Variants in RRP12 observed in about 807,000 individuals in gnomAD.
The protein encoded by RRP12 is ribosomal RNA processing 12 homolog.
In RRP12, 78 loss-of-function variants were observed where a neutral mutation model predicts 157.3. That is an observed-to-expected ratio of 0.50 (90% confidence interval 0.41 to 0.60). The LOEUF (loss-of-function observed/expected upper bound fraction) is 0.60, where lower values mean the gene tolerates loss of function less well. RRP12 is among the 20% of genes least tolerant of loss of function. The pLI, the probability that RRP12 is intolerant of heterozygous loss-of-function variation, is 0.00. For synonymous variants in RRP12, 726 were observed against 670.9 expected (o/e 1.08, Z -1.27); for missense variants, 1,521 against 1,679.9 (o/e 0.91, Z 1.65).
intron 29 of RRP12, among the ~76,000 whole-genome samples, chr10:97,365,225 T>C (rs1488753382): frequency 6.7e-6 from 1 of 149,108 alleles, no homozygotes; most frequent in Non-Finnish European, 1.5e-5. Context: ...CTCGCAGCAC[T>C]GGGAACCAAA....
intron 2 of RRP12, among the ~76,000 whole-genome samples, chr10:97,398,869 A>G (rs1845058904): frequency 6.6e-6 from 1 of 152,180 alleles, no homozygotes; most frequent in Non-Finnish European, 1.5e-5. Context: ...TAAATTATAC[A>G]CTAGATTTTG....
rs781057741 is a variant in RRP12, at chr10:97,358,541, G to T, written c.3787C>A (p.Arg1263Ser). ...CTGCCTGGCACAGCGTCATACCTGC[G>T]GTTGAGCTTGCTTCTGTTGAGGGGG... is the stretch of plus-strand genomic sequence containing the variant. ...YIPLNRSKLN[R>S]RKKMKLQGQF... Residue 1263 changes from arginine to serine, a missense_variant, in exon 33 of 34, where the codon CGC becomes AGC. Coordinates refer to ENST00000370992, the MANE Select transcript of RRP12 (RefSeq NM_015179.4). 2.5e-6 allele frequency: 4 copies of T among 1,613,062 alleles called. No individual in the cohort carries two copies. Among genetic ancestry groups the T allele is most frequent in the Non-Finnish European group, 2.5e-6 (3 of 1,179,150 alleles).
At chr10:97,399,489 A>G (rs958503270) in intron 2 of RRP12, among the ~76,000 whole-genome samples, 2 of 152,014 alleles carry the variant, frequency 1.3e-5, no homozygotes, top group African/African-American at 2.4e-5. Flanking sequence ...TATCATTTTG[A>G]TATCATTTAG....
At chr10:97,379,498 T>G (rs1020642725) in intron 14 of RRP12, 84 bp from the exon 15 acceptor site, 2 of 1,593,544 alleles carry the variant, frequency 1.3e-6, no homozygotes, top group Admixed American at 3.4e-5. Flanking sequence ...CAGGACAGAG[T>G]AAGACCTCCT....
intron 9 of RRP12, 90 bp downstream of exon 9, chr10:97,385,805 T>C (rs1589433247): frequency 8.5e-6 from 8 of 936,022 alleles, no homozygotes; most frequent in Non-Finnish European, 1.0e-5. Flanking sequence ...CCTCACTCTG[T>C]AGACAAGGCG....
At chr10:97,384,057 C>T (rs986701271) in intron 10 of RRP12, among the ~76,000 whole-genome samples, 9 of 147,326 alleles carry the variant, frequency 6.1e-5, no homozygotes, top group Admixed American at 4.8e-4. Context: ...CTCCAGTCTC[C>T]GGCTCACGTC....
rs116604123 is a variant in RRP12 at position 97,388,415 on chromosome 10, G to A, written c.890-36C>T. 2,955 of 1,613,016 alleles carry A rather than the reference G, an allele frequency of 1.8e-3. 38 individuals carry two copies. The African/African-American group carries it at 0.031, about 17-fold the overall frequency. On this transcript the variant is annotated intron_variant, in intron 7 of 33. Coordinates refer to ENST00000370992, the MANE Select transcript of RRP12 (RefSeq NM_015179.4). Reference sequence around the variant, plus strand: ...GAAGAGGAATTGAGACACCAGCCCCGCCCTACCGCAGGCCCTGTCCTGCTC... The same window carrying A: ...GAAGAGGAATTGAGACACCAGCCCCACCCTACCGCAGGCCCTGTCCTGCTC...
At position 97,370,479 on chromosome 10, in the gene RRP12, G is replaced by C; in HGVS notation, c.2665C>G (p.Leu889Val). Residue 889 changes from leucine (L) to valine (V), a missense_variant, in exon 23 of 34, where the codon CTA becomes GTA. Leu to Val is a conservative substitution (Grantham distance 32). Transcript: ENST00000370992. Reference sequence around the variant, plus strand: ...CCTTCCTGGTTCGAGCCAAACCTTAGGAAAGCATGGCCCATCTCCACGAGC... The same window carrying C: ...CCTTCCTGGTTCGAGCCAAACCTTACGAAAGCATGGCCCATCTCCACGAGC... Reference protein sequence around the residue: ...ALLVEMGHAFLRFGSNQEEAL... With the variant: ...ALLVEMGHAFVRFGSNQEEAL... 1 of 1,608,304 alleles carries C rather than the reference G, an allele frequency of 6.2e-7. No homozygotes were observed. Among genetic ancestry groups the C allele is most frequent in the Non-Finnish European group, 8.5e-7 (1 of 1,177,540 alleles).
chr10:97,392,111 C>T (rs1371405438), intron 4 of RRP12, among the ~76,000 whole-genome samples: 3 of 151,378 alleles, frequency 2.0e-5, no homozygotes, highest in Non-Finnish European at 4.4e-5. Flanking sequence ...GTTGGGACTA[C>T]AGGTGCATGC....
At chr10:97,379,249 CTG>C (rs779360837) in intron 15 of RRP12, 42 bp downstream of exon 15, 1 of 1,608,852 alleles carries the variant, frequency 6.2e-7, no homozygotes, top group Non-Finnish European at 8.5e-7. Context: ...GGTTCCAGGA[CTG>C]TGGGGAGCCT....
chr10:97,393,012 C>T lies in RRP12; in HGVS notation c.530+672G>A, dbSNP rs1431779337. On this transcript the variant is annotated intron_variant, in intron 4 of 33. Coordinates refer to ENST00000370992, the MANE Select transcript of RRP12 (RefSeq NM_015179.4). Reference sequence around the variant, plus strand: ...CCTCCCAAAGTGCTGGGATTACAGGCGTGAGCCACAGCATGTAGCCTACCC... The same window carrying T: ...CCTCCCAAAGTGCTGGGATTACAGGTGTGAGCCACAGCATGTAGCCTACCC... Among the ~76,000 whole-genome samples, 11 of 151,710 alleles carry T rather than the reference C, an allele frequency of 7.3e-5. No individual in the cohort carries two copies. In the East Asian group the frequency reaches 1.2e-3, roughly 16 times the overall value.
At chr10:97,371,950 A>G (rs1844167274) in intron 20 of RRP12, 123 bp downstream of exon 20, 2 of 644,778 alleles carry the variant, frequency 3.1e-6, no homozygotes, top group South Asian at 1.9e-5. Context: ...TGCAGGAGAA[A>G]GCAGACAGGG....
In RRP12 at chr10:97,366,788, C is replaced by T; in HGVS notation, c.3169G>A (p.Glu1057Lys). Residue 1057 changes from glutamate to lysine, a missense_variant, in exon 27 of 34, where the codon GAA (glutamate) becomes AAA (lysine). Coordinates refer to ENST00000370992, the MANE Select transcript of RRP12 (RefSeq NM_015179.4). ...ALSQAAVEEE[E>K]EEEEEEEPAQ... ...GGCTCCTCCTCCTCCTCCTCCTCTT[C>T]TTCCTCCTCCACGGCAGCCTGGCTC... The T allele has an allele frequency of 6.2e-7, 1 of 1,614,208 alleles. No homozygotes were observed.
In RRP12 at chr10:97,379,581, A is replaced by G. The variant is rs370405053; in HGVS notation, c.1676+47T>C. The G allele has an allele frequency of 4.2e-5, 67 of 1,605,760 alleles. No homozygotes were observed. The African/African-American group carries it at 8.2e-4, about 20-fold the overall frequency. Reference sequence around the variant, plus strand: ...GCAGCAGACATCCTTTCCAGGGGAGAGAACAAGCCTGGGGCTTGTCAGGAA... The same window carrying G: ...GCAGCAGACATCCTTTCCAGGGGAGGGAACAAGCCTGGGGCTTGTCAGGAA... On this transcript the variant is annotated intron_variant, in intron 14 of 33. Transcript: ENST00000370992.
intron 9 of RRP12, 94 bp from the exon 10 acceptor site, chr10:97,385,351 G>C (rs1415987667): frequency 9.2e-6 from 9 of 979,018 alleles, no homozygotes; most frequent in African/African-American, 3.2e-5. Context: ...GCAATGTCCT[G>C]GGGACAGTGC....
At chr10:97,361,479 C>T (rs1843840326) in intron 30 of RRP12, among the ~76,000 whole-genome samples, 1 of 152,184 alleles carries the variant, frequency 6.6e-6, no homozygotes, top group South Asian at 2.1e-4. Flanking sequence ...CTGCAGATTC[C>T]CAGGGCTCCA....
Position 97,358,591 on chromosome 10 carries a change from C to A in RRP12, c.3737G>T (p.Gly1246Val), listed in dbSNP as rs538179008. 1.2e-6 allele frequency: 2 copies of A among 1,613,898 alleles called. No homozygotes were observed. Among genetic ancestry groups the A allele is most frequent in the African/African-American group, 2.7e-5 (2 of 74,876 alleles). ...GATGTAGGCATAGGGATCCGGCCGGCCTTTCTTCTTCACATCACCTTTTGC... is the reference window on the plus strand; with the variant it reads ...GATGTAGGCATAGGGATCCGGCCGGACTTTCTTCTTCACATCACCTTTTGC... ...KKAKGDVKKK[G>V]RPDPYAYIPL... The change falls in exon 33 of 34, where the codon GGC becomes GTC. Residue 1246 changes from glycine to valine, a missense_variant. Transcript: ENST00000370992.
At position 97,369,424 on chromosome 10, in the gene RRP12, C is replaced by T; in HGVS notation, c.2955+1G>A. On this transcript the variant is annotated splice_donor_variant, in intron 25 of 33. Transcript: ENST00000370992. LOFTEE classifies it high-confidence loss of function. ...CTGCTAAGGGGAACGGGGACACTCA[C>T]CACCAGCTGCACATGTTTGGCCAGG... The T allele has an allele frequency of 6.2e-7, 1 of 1,611,330 alleles. No homozygotes were observed. The highest frequency in any genetic ancestry group is 8.5e-7 in the Non-Finnish European group (1 of 1,179,040).
chr10:97,383,902 C>T (rs1034144511), intron 10 of RRP12, among the ~76,000 whole-genome samples: 4 of 152,298 alleles, frequency 2.6e-5, no homozygotes, highest in South Asian at 4.1e-4. Flanking sequence ...CTGTTCCTCC[C>T]GGCTGGCTGG....
Sources: allele counts gnomAD v4.1 joint callset (sites outside exome capture counted in the v4.1 genomes callset), GRCh38; gene constraint gnomAD v4.1.1; transcripts MANE v1.5; gene names NCBI Gene and HGNC (gene_info 2026-07-23, HGNC 2026-07-21).